CNTNAP2: variants seen among roughly 807,000 people sequenced by gnomAD.
CNTNAP2 encodes contactin associated protein 2, also known as contactin-associated protein-like 2.
CNTNAP2 carries 98 observed loss-of-function variants against 155.2 expected under a neutral mutation model. That is an observed-to-expected ratio of 0.63 (90% CI 0.54 to 0.75). The LOEUF (loss-of-function observed/expected upper bound fraction) is 0.75, where lower values mean the gene tolerates loss of function less well. CNTNAP2 is among the 30% of genes least tolerant of loss of function. CNTNAP2 has a pLI of 0.00. For synonymous variants in CNTNAP2, 651 were observed against 631.2 expected (o/e 1.03, Z -0.47); for missense variants, 1,727 against 1,688.1 (o/e 1.02, Z -0.40).
chr7:146,221,142 A>T (rs1187349692), intron 1 of CNTNAP2, among the ~76,000 whole-genome samples: 2 of 152,208 alleles, frequency 1.3e-5, no homozygotes, highest in African/African-American at 4.8e-5. Flanking sequence ...CTCTTCCCAC[A>T]ACCATGAACA....
At chr7:146,942,986 G>T (rs1222939761) in intron 3 of CNTNAP2, among the ~76,000 whole-genome samples, 1 of 152,024 alleles carries the variant, frequency 6.6e-6, no homozygotes, top group Non-Finnish European at 1.5e-5. Context: ...ATTTTTACAT[G>T]TTGGCTTAAA....
At chr7:147,321,961 T>C (rs1359272339) in intron 9 of CNTNAP2, among the ~76,000 whole-genome samples, 1 of 152,190 alleles carries the variant, frequency 6.6e-6, no homozygotes, top group Non-Finnish European at 1.5e-5. Context: ...TCTTCCTTTG[T>C]TATATGAGAG....
chr7:147,874,272 G>C (rs1799384378), intron 13 of CNTNAP2, among the ~76,000 whole-genome samples: 1 of 152,258 alleles, frequency 6.6e-6, no homozygotes, highest in African/African-American at 2.4e-5. Flanking sequence ...CACTGACCTA[G>C]GAGAGGTTCT....
intron 8 of CNTNAP2, among the ~76,000 whole-genome samples, chr7:147,188,562 A>T (rs113897367): frequency 6.6e-6 from 1 of 152,206 alleles, no homozygotes; most frequent in South Asian, 2.1e-4. Flanking sequence ...AAAATACAGG[A>T]TGAAATAAAG....
intron 1 of CNTNAP2, among the ~76,000 whole-genome samples, chr7:146,671,768 C>T (rs968146696): frequency 5.3e-5 from 8 of 151,892 alleles, no homozygotes; most frequent in African/African-American, 1.9e-4. Context: ...TTTTACCAAT[C>T]CACAGATACA....
intron 13 of CNTNAP2, among the ~76,000 whole-genome samples, chr7:147,837,421 A>G (rs2116645741): frequency 6.6e-6 from 1 of 152,206 alleles, no homozygotes; most frequent in Non-Finnish European, 1.5e-5. Flanking sequence ...GGGAGCTACA[A>G]TTCAAGTTGA....
intron 1 of CNTNAP2, among the ~76,000 whole-genome samples, chr7:146,450,462 G>T (rs1796462697): frequency 6.6e-6 from 1 of 152,208 alleles, no homozygotes; most frequent in Non-Finnish European, 1.5e-5. Context: ...AAATTTCCAA[G>T]AAAACTTGAT....
At chr7:146,306,501 A>G (rs1310829301) in intron 1 of CNTNAP2, among the ~76,000 whole-genome samples, 3 of 152,160 alleles carry the variant, frequency 2.0e-5, no homozygotes, top group Non-Finnish European at 4.4e-5. Flanking sequence ...TCCTCAATAA[A>G]ATACTGGCAA....
At chr7:147,856,629 C>CTTT (rs3055148) in intron 13 of CNTNAP2, among the ~76,000 whole-genome samples, 6,300 of 145,260 alleles carry the variant, frequency 0.043, 247 homozygotes, top group Admixed American at 0.11. Flanking sequence ...ATTAGTTTGG[C>CTTT]TTTTTTTTTT....
chr7:146,681,962 A>G (rs1375613586), intron 1 of CNTNAP2, among the ~76,000 whole-genome samples: 1 of 151,490 alleles, frequency 6.6e-6, no homozygotes, highest in South Asian at 2.1e-4. Flanking sequence ...TATATCTCCT[A>G]TTTCCAGATA....
chr7:147,638,841 C>T, intron 12 of CNTNAP2: 1 of 508,004 alleles, frequency 2.0e-6, no homozygotes. Flanking sequence ...GATACAAAAG[C>T]TTTTTTTTTT....
intron 13 of CNTNAP2, among the ~76,000 whole-genome samples, chr7:147,681,795 AAGAG>A (rs150632064): frequency 8.0e-5 from 12 of 149,886 alleles, no homozygotes; most frequent in African/African-American, 1.7e-4. Flanking sequence ...AGTATTTTGC[AAGAG>A]AGAGAGAGAG....
At position 147,317,800 on chromosome 7, in the gene CNTNAP2, A is replaced by ATATATGTGTG. The variant is rs57686568; in HGVS notation, c.1498+17513_1498+17514insATGTGTGTAT. Among the ~76,000 whole-genome samples the ATATATGTGTG allele has an allele frequency of 3.4e-5, 5 of 148,610 alleles. No individual in the cohort carries two copies. In the East Asian group the frequency reaches 7.9e-4, roughly 23 times the overall value. On this transcript the variant is annotated intron_variant, in intron 9 of 23. Coordinates refer to ENST00000361727, the MANE Select transcript of CNTNAP2 (RefSeq NM_014141.6). ...TATGTGTGTGTGTGTGTGTGTGTGTATATGTATATATATGTGTGTGTGTGT... is the reference window on the plus strand; with the variant it reads ...TATGTGTGTGTGTGTGTGTGTGTGTATATATGTGTGTATGTATATATATGTGTGTGTGTGT...
intron 1 of CNTNAP2, among the ~76,000 whole-genome samples, chr7:146,667,437 C>T (rs1800214891): frequency 6.6e-6 from 1 of 151,762 alleles, no homozygotes; most frequent in Admixed American, 6.6e-5. Context: ...TTATTTTGTT[C>T]AGGATTTATT....
At chr7:147,204,809 G>A (rs1362297562) in intron 8 of CNTNAP2, among the ~76,000 whole-genome samples, 2 of 152,104 alleles carry the variant, frequency 1.3e-5, no homozygotes, top group Non-Finnish European at 2.9e-5. Flanking sequence ...AATGGAAAAT[G>A]TTAATACTAA....
chr7:147,893,337 GA>G (rs1005750603), intron 13 of CNTNAP2, among the ~76,000 whole-genome samples: 1 of 152,056 alleles, frequency 6.6e-6, no homozygotes, highest in East Asian at 1.9e-4. Flanking sequence ...GTATTATTCA[GA>G]AAAAAATAAT....
intron 1 of CNTNAP2, among the ~76,000 whole-genome samples, chr7:146,393,640 C>T (rs998490820): frequency 1.3e-5 from 2 of 152,116 alleles, no homozygotes; most frequent in African/African-American, 4.8e-5. Flanking sequence ...GAGCTGAAAG[C>T]CTCCTGTTGG....
At chr7:146,327,150 G>T (rs1801111147) in intron 1 of CNTNAP2, among the ~76,000 whole-genome samples, 1 of 151,976 alleles carries the variant, frequency 6.6e-6, no homozygotes, top group South Asian at 2.1e-4. Context: ...AATTATTCAA[G>T]GGTATTTGAA....
chr7:146,409,324 C>A (rs528054122), intron 1 of CNTNAP2, among the ~76,000 whole-genome samples: 1 of 152,120 alleles, frequency 6.6e-6, no homozygotes, highest in African/African-American at 2.4e-5. Context: ...CACTTGAAAT[C>A]ACCTAAAAAC....
Sources: gnomAD v4.1 joint callset for allele counts (sites outside exome capture counted in the v4.1 genomes callset) on GRCh38, gnomAD v4.1.1 for gene constraint, MANE v1.5 for transcripts, NCBI Gene and HGNC (gene_info 2026-07-23, HGNC 2026-07-21) for gene names.